The following TNKS variants were observed in gnomAD, a reference collection of about 807,000 sequenced individuals.
TNKS encodes the protein tankyrase.
In TNKS, 72 loss-of-function variants were observed where a neutral mutation model predicts 135.8. The observed-to-expected ratio is 0.53, with a 90% CI of 0.44 to 0.64. The LOEUF is 0.64. TNKS is among the 30% of genes least tolerant of loss of function. The pLI is 0.00. For missense variants in TNKS, 1,769 were observed against 1,674.0 expected (o/e 1.06, Z -0.99); for synonymous variants, 849 against 649.3 (o/e 1.31, Z -4.68).
At chr8:9,660,836 C>A (rs541474887) in intron 3 of TNKS, among the ~76,000 whole-genome samples, 1 of 152,138 alleles carries the variant, frequency 6.6e-6, no homozygotes, top group Non-Finnish European at 1.5e-5. Flanking sequence ...ATCTAGAAAA[C>A]CCCATCGTTT....
intron 19 of TNKS, 142 bp from the exon 20 acceptor site, chr8:9,752,402 A>C (rs1427639044): frequency 3.5e-6 from 2 of 563,582 alleles, no homozygotes; most frequent in Non-Finnish European, 6.2e-6. Flanking sequence ...GTCTAAATTA[A>C]ATCTGTGTAT....
intron 5 of TNKS, among the ~76,000 whole-genome samples, chr8:9,681,382 G>A (rs1563164217): frequency 6.6e-6 from 1 of 152,030 alleles, no homozygotes; most frequent in Non-Finnish European, 1.5e-5. Flanking sequence ...TAAATGTAAG[G>A]TAATATATAA....
At chr8:9,576,225 A>C (rs1384291341) in intron 1 of TNKS, among the ~76,000 whole-genome samples, 1 of 152,170 alleles carries the variant, frequency 6.6e-6, no homozygotes, top group African/African-American at 2.4e-5. Flanking sequence ...AGTCTGAGCA[A>C]AATTGAGTCT....
chr8:9,736,476 C>A (rs904463227), intron 17 of TNKS, among the ~76,000 whole-genome samples: 6 of 151,942 alleles, frequency 3.9e-5, no homozygotes, highest in Non-Finnish European at 5.9e-5. Context: ...AGTCCTTGCC[C>A]ACGCCTATGT....
At chr8:9,575,379 T>C (rs1210290572) in intron 1 of TNKS, 1 of 985,202 alleles carries the variant, frequency 1.0e-6, no homozygotes, top group East Asian at 1.1e-4. Flanking sequence ...GCCCGGCGGA[T>C]AATTTTTTAA....
At chr8:9,727,014 G>A (rs1180526547) in intron 13 of TNKS, among the ~76,000 whole-genome samples, 1 of 152,118 alleles carries the variant, frequency 6.6e-6, no homozygotes, top group African/African-American at 2.4e-5. Context: ...TTACATGAAA[G>A]CTCTTTTAAT....
chr8:9,638,870 A>C (rs538032909), intron 3 of TNKS, among the ~76,000 whole-genome samples: 2 of 152,158 alleles, frequency 1.3e-5, no homozygotes, highest in African/African-American at 4.8e-5. Context: ...GTGTATATCT[A>C]TTTTTCAAAT....
intron 3 of TNKS, among the ~76,000 whole-genome samples, chr8:9,631,901 C>T (rs777158033): frequency 6.6e-6 from 1 of 151,894 alleles, no homozygotes; most frequent in Non-Finnish European, 1.5e-5. Flanking sequence ...ATTTACAAAC[C>T]GTATGGGGAA....
rs547976475 is a variant in TNKS, at chr8:9,639,124, A to G, written c.994+23447A>G. Among the ~76,000 whole-genome samples the G allele has an allele frequency of 2.3e-4, 35 of 152,280 alleles. No individual in the cohort carries two copies. In the South Asian group the frequency reaches 3.1e-3, roughly 14 times the overall value. ...ATCATACTCTGCCAATAGGTTTGCTATTGTCCAGTAGTGTGATATAATTGA... is the reference window on the plus strand; with the variant it reads ...ATCATACTCTGCCAATAGGTTTGCTGTTGTCCAGTAGTGTGATATAATTGA... On this transcript the variant is annotated intron_variant, in intron 3 of 26. Transcript: ENST00000310430.
chr8:9,620,236 C>G (rs535299711), intron 3 of TNKS, among the ~76,000 whole-genome samples: 3 of 152,246 alleles, frequency 2.0e-5, no homozygotes, highest in Non-Finnish European at 2.9e-5. Context: ...TGTGAGCCAC[C>G]GTGCCCGGCC....
chr8:9,568,983 A>G (rs1256248487), intron 1 of TNKS, among the ~76,000 whole-genome samples: 1 of 152,204 alleles, frequency 6.6e-6, no homozygotes, highest in Middle Eastern at 3.2e-3. Flanking sequence ...TGGTTCTTGA[A>G]GCTGTGCAGA....
intron 2 of TNKS, among the ~76,000 whole-genome samples, chr8:9,598,327 G>A (rs1248884648): frequency 9.9e-5 from 15 of 152,094 alleles, no homozygotes; most frequent in African/African-American, 3.4e-4. Flanking sequence ...GATTACAGGT[G>A]TGAGCCACCG....
intron 5 of TNKS, among the ~76,000 whole-genome samples, chr8:9,694,071 G>T (rs540712022): frequency 6.6e-6 from 1 of 152,114 alleles, no homozygotes; most frequent in African/African-American, 2.4e-5. Flanking sequence ...AGTTTAGAGG[G>T]CTCTCTGAGG....
intron 1 of TNKS, among the ~76,000 whole-genome samples, chr8:9,570,840 A>G (rs1797728740): frequency 6.6e-6 from 1 of 152,114 alleles, no homozygotes; most frequent in African/African-American, 2.4e-5. Flanking sequence ...GTGTGGTGGC[A>G]TGTCTGTAGC....
At chr8:9,727,635 T>A (rs1563194748) in intron 13 of TNKS, among the ~76,000 whole-genome samples, 1 of 152,220 alleles carries the variant, frequency 6.6e-6, no homozygotes, top group Non-Finnish European at 1.5e-5. Flanking sequence ...CACTCAGTAC[T>A]TTTTACGACA....
intron 3 of TNKS, among the ~76,000 whole-genome samples, chr8:9,657,790 A>C (rs1585288360): frequency 2.9e-5 from 4 of 139,948 alleles, no homozygotes; most frequent in African/African-American, 8.1e-5. Context: ...TGACCCCCCC[A>C]CCTCCCTCCC....
intron 26 of TNKS, among the ~76,000 whole-genome samples, chr8:9,774,338 T>C (rs1179806326): frequency 6.6e-6 from 1 of 152,194 alleles, no homozygotes; most frequent in Admixed American, 6.5e-5. Flanking sequence ...ACAGAATCAT[T>C]CAAGAGAGCA....
chr8:9,605,687 C>G (rs745542643), intron 2 of TNKS, among the ~76,000 whole-genome samples: 1 of 151,968 alleles, frequency 6.6e-6, no homozygotes, highest in African/African-American at 2.4e-5. Context: ...TTGTATTTTT[C>G]TGTTGACTAA....
At chr8:9,668,397 G>C (rs566314982) in intron 3 of TNKS, among the ~76,000 whole-genome samples, 26 of 152,148 alleles carry the variant, frequency 1.7e-4, no homozygotes, top group Non-Finnish European at 3.4e-4. Context: ...TTTGCCTCTA[G>C]TTGTCAAGTA....
Sources: allele counts gnomAD v4.1 joint callset (sites outside exome capture counted in the v4.1 genomes callset), GRCh38; gene constraint gnomAD v4.1.1; transcripts MANE v1.5; gene names NCBI Gene and HGNC (gene_info 2026-07-23, HGNC 2026-07-21).